ARHGEF38: variants seen among roughly 807,000 people sequenced by gnomAD.
ARHGEF38 encodes the protein Rho guanine nucleotide exchange factor 38.
In ARHGEF38, 79 loss-of-function variants were observed where a neutral mutation model predicts 79.9. The ratio of observed to expected loss-of-function variants is 0.99; its 90% CI spans 0.82 to 1.19. ARHGEF38 has a LOEUF of 1.19. Ranked by LOEUF, ARHGEF38 falls within the 50% of genes most tolerant of loss-of-function variation. The probability of loss-of-function intolerance (pLI) is 0.00; values close to 1 mark genes in which losing one functional copy is unlikely to be tolerated. For synonymous variants in ARHGEF38, 366 were observed against 328.3 expected (o/e 1.11, Z -1.24); for missense variants, 962 against 907.2 (o/e 1.06, Z -0.78).
At chr4:105,561,413 T>TAGA (rs1725536978) in intron 1 of ARHGEF38, among the ~76,000 whole-genome samples, 2 of 49,906 alleles carry the variant, frequency 4.0e-5, no homozygotes, top group Non-Finnish European at 7.6e-5. Flanking sequence ...TAGAATAGAA[T>TAGA]AGAATAGAAT....
intron 9 of ARHGEF38, among the ~76,000 whole-genome samples, chr4:105,657,955 T>C (rs1730404774): frequency 6.6e-6 from 1 of 152,080 alleles, no homozygotes; most frequent in East Asian, 1.9e-4. Context: ...AAATATCATA[T>C]AAGCATATAT....
downstream of ARHGEF38, chr4:105,681,109 A>G (rs981061325): frequency 2.0e-5 from 3 of 152,102 alleles, no homozygotes; most frequent in African/African-American, 7.2e-5. Context: ...TCTGTTTCTC[A>G]AAGCAAAAGT....
chr4:105,659,083 C>T lies in ARHGEF38; in HGVS notation c.1263C>T (p.Thr421=), dbSNP rs544622208. ...CTCACTTACAGAGACTCATCCTGACCCCCTTGTCAGCCCTGCTGTCCTTAT... is the reference window on the plus strand; with the variant it reads ...CTCACTTACAGAGACTCATCCTGACTCCCTTGTCAGCCCTGCTGTCCTTAT... The part of the protein sequence containing the change: ...FASHLQRLIL[T]PLSALLSLFP... The change falls in exon 10 of 14, where the codon ACC becomes ACT. Residue 421 remains threonine (T), a synonymous_variant. Coordinates refer to ENST00000420470, the MANE Select transcript of ARHGEF38 (RefSeq NM_001242729.2). The T allele has an allele frequency of 2.2e-4, 334 of 1,535,770 alleles. No homozygotes were observed. Among genetic ancestry groups the T allele is most frequent in the Non-Finnish European group, 2.8e-4 (320 of 1,146,772 alleles).
chr4:105,645,029 T>C (rs1027571076), intron 5 of ARHGEF38, among the ~76,000 whole-genome samples, 159 bp from the exon 6 acceptor site: 1 of 152,222 alleles, frequency 6.6e-6, no homozygotes, highest in African/African-American at 2.4e-5. Context: ...GATTTGCTTC[T>C]TTCTGTCGTC....
chr4:105,584,011 T>C (rs1726918251), intron 1 of ARHGEF38, among the ~76,000 whole-genome samples: 1 of 152,180 alleles, frequency 6.6e-6, no homozygotes, highest in Non-Finnish European at 1.5e-5. Flanking sequence ...CCACTCTTGA[T>C]TTAAAAATTG....
chr4:105,631,225 TC>T (rs1361891307), intron 4 of ARHGEF38, 180 bp downstream of exon 4: 3 of 1,249,644 alleles, frequency 2.4e-6, no homozygotes, highest in Non-Finnish European at 3.0e-6. Flanking sequence ...TGACTTTTTT[TC>T]CCCCTGCGAG....
Position 105,589,287 on chromosome 4 carries a change from C to A in ARHGEF38, c.236C>A (p.Thr79Asn). ...TPQGECSVAE[T>N]LTPEEEHHMK... ...CAGGGTGAGTGTTCTGTAGCTGAGA[C>A]CTTAACCCCAGAGGAAGAGCATCAT... is the stretch of plus-strand genomic sequence containing the variant. The change falls in exon 2 of 14, where the codon ACC becomes AAC. Residue 79 changes from threonine (T) to asparagine (N), a missense_variant. Thr to Asn is a moderately conservative substitution (Grantham distance 65, BLOSUM62 0). Transcript: ENST00000420470. 6.2e-7 allele frequency: 1 copy of A among 1,613,968 alleles called. No individual in the cohort carries two copies. Among genetic ancestry groups the A allele is most frequent in the Non-Finnish European group, 8.5e-7 (1 of 1,179,982 alleles).
At chr4:105,662,725 G>A (rs1730608734) in intron 10 of ARHGEF38, among the ~76,000 whole-genome samples, 1 of 152,056 alleles carries the variant, frequency 6.6e-6, no homozygotes, top group African/African-American at 2.4e-5. Flanking sequence ...TCATTCTGAG[G>A]TCATGGTAGA....
At chr4:105,594,583 T>C (rs1727492723) in intron 2 of ARHGEF38, among the ~76,000 whole-genome samples, 1 of 152,208 alleles carries the variant, frequency 6.6e-6, no homozygotes, top group African/African-American at 2.4e-5. Context: ...ACAAGTCATT[T>C]TATTTAAGTG....
intron 5 of ARHGEF38, among the ~76,000 whole-genome samples, chr4:105,636,680 A>C (rs1729409900): frequency 6.6e-6 from 1 of 152,090 alleles, no homozygotes; most frequent in Non-Finnish European, 1.5e-5. Flanking sequence ...GTCTTTGGGA[A>C]CTGCTCATCA....
chr4:105,572,787 A>G (rs1262998274), intron 1 of ARHGEF38, among the ~76,000 whole-genome samples: 2 of 152,144 alleles, frequency 1.3e-5, no homozygotes, highest in East Asian at 3.8e-4. Flanking sequence ...CTATTTATCC[A>G]TTAATGGATA....
At chr4:105,602,685 C>T (rs1465423945) in intron 2 of ARHGEF38, among the ~76,000 whole-genome samples, 2 of 152,080 alleles carry the variant, frequency 1.3e-5, no homozygotes, top group Admixed American at 6.6e-5. Context: ...AGTCCCCACT[C>T]CAGGGCTCAC....
At chr4:105,660,638 C>G (rs914922400) in intron 10 of ARHGEF38, among the ~76,000 whole-genome samples, 1 of 152,100 alleles carries the variant, frequency 6.6e-6, no homozygotes, top group Admixed American at 6.6e-5. Context: ...CGGGGTTTCT[C>G]CATTTTGGTC....
chr4:105,600,740 T>C (rs759582206), intron 2 of ARHGEF38, among the ~76,000 whole-genome samples: 2 of 152,154 alleles, frequency 1.3e-5, no homozygotes, highest in Non-Finnish European at 2.9e-5. Flanking sequence ...GAGTTCCTAA[T>C]TTCCTCTTTA....
intron 2 of ARHGEF38, among the ~76,000 whole-genome samples, chr4:105,599,628 A>G (rs556255486): frequency 2.9e-4 from 44 of 152,158 alleles, no homozygotes; most frequent in Non-Finnish European, 4.6e-4. Flanking sequence ...CTCTAATGAA[A>G]TGCCAGCAAT....
Position 105,648,595 on chromosome 4 carries a change from A to G in ARHGEF38, c.921A>G (p.Lys307=). The change falls in exon 7 of 14, where the codon AAA becomes AAG. Residue 307 remains lysine, a synonymous_variant. Coordinates refer to ENST00000420470, the MANE Select transcript of ARHGEF38 (RefSeq NM_001242729.2). ...KNDEDESLKD[K]LSKLNIHSIS... ...ACGAGGATGAATCACTTAAAGACAA[A>G]TTGTCTAAACTAAATATTCATTCAA... 2 of 1,531,360 alleles carry G rather than the reference A, an allele frequency of 1.3e-6. No homozygotes were observed. Among genetic ancestry groups the G allele is most frequent in the Non-Finnish European group, 1.7e-6 (2 of 1,145,156 alleles). The allele number at this position is 1,531,360 out of a possible 1,614,324, so 94.9% of individuals were successfully genotyped here.
intron 9 of ARHGEF38, among the ~76,000 whole-genome samples, chr4:105,658,490 AT>A (rs1311981713): frequency 6.6e-6 from 1 of 152,152 alleles, no homozygotes; most frequent in South Asian, 2.1e-4. Flanking sequence ...AGGGGTTACT[AT>A]CTGTATAGGG....
chr4:105,605,692 G>C (rs939760644), intron 2 of ARHGEF38, among the ~76,000 whole-genome samples: 5 of 152,026 alleles, frequency 3.3e-5, no homozygotes, highest in Non-Finnish European at 4.4e-5. Flanking sequence ...TGAAATAATG[G>C]CTAGTTTACC....
At chr4:105,589,553 G>T in intron 2 of ARHGEF38, 118 bp downstream of exon 2, 2 of 891,026 alleles carry the variant, frequency 2.2e-6, no homozygotes, top group Non-Finnish European at 3.3e-6. Context: ...CCCCAAAACA[G>T]CACTGTTCTC....
Sources: allele counts gnomAD v4.1 joint callset (sites outside exome capture counted in the v4.1 genomes callset), GRCh38; gene constraint gnomAD v4.1.1; transcripts MANE v1.5; gene names NCBI Gene and HGNC (gene_info 2026-07-23, HGNC 2026-07-21).